TEX11: variants seen among roughly 807,000 people sequenced by gnomAD.
TEX11 encodes the protein testis expressed 11.
Under a neutral mutation model 84.4 loss-of-function variants are expected in TEX11, and 7 were observed. The observed-to-expected ratio is 0.08, with a 90% CI of 0.05 to 0.16. The LOEUF (loss-of-function observed/expected upper bound fraction) is 0.16. Among genes scored for constraint, TEX11 ranks in the 10% least tolerant of loss-of-function variants. The pLI is 1.00. For missense variants in TEX11, 551 were observed against 660.5 expected (o/e 0.83, Z 1.82); for synonymous variants, 264 against 222.8 (o/e 1.18, Z -1.64).
At chrX:70,633,318 A>G (rs1294145464) in intron 17 of TEX11, among the ~76,000 whole-genome samples, 1 of 112,001 alleles carries the variant, frequency 8.9e-6, no homozygotes, top group Non-Finnish European at 1.9e-5. Flanking sequence ...CCATTTCAAC[A>G]GATGCAGAAA....
Position 70,531,508 on chromosome X carries a change from G to C in TEX11, c.2521-1509C>G, listed in dbSNP as rs146449799. Among the ~76,000 whole-genome samples the C allele has an allele frequency of 9.8e-3, 1,036 of 105,962 alleles. 8 individuals are homozygous for C. The highest frequency in any genetic ancestry group is 0.033 in the African/African-American group (992 of 30,483). 92.0% of individuals were successfully genotyped at this position (105,962 alleles called of 115,157 possible). On this transcript the variant is annotated intron_variant, in intron 28 of 29. Coordinates refer to ENST00000374333, the MANE Select transcript of TEX11 (RefSeq NM_031276.3). Reference sequence around the variant, plus strand: ...GTGTTGTGATTTTAATGTTGTGAATGAAAAAAATGACTTAAACAAACAAAC... The same window carrying C: ...GTGTTGTGATTTTAATGTTGTGAATCAAAAAAATGACTTAAACAAACAAAC...
At chrX:70,536,171 T>G (rs771273018) in intron 28 of TEX11, among the ~76,000 whole-genome samples, 1 of 111,529 alleles carries the variant, frequency 9.0e-6, no homozygotes, top group Admixed American at 9.6e-5. Context: ...GTACTTACTA[T>G]GTGCTGCTAT....
At chrX:70,619,816 CTTT>C (rs550244042) in intron 20 of TEX11, among the ~76,000 whole-genome samples, 2 of 100,416 alleles carry the variant, frequency 2.0e-5, no homozygotes, top group Admixed American at 1.1e-4. Context: ...GTGCCAGTAT[CTTT>C]TTTTTTTTTT....
At chrX:70,711,306 T>G (rs2090430628) in intron 13 of TEX11, among the ~76,000 whole-genome samples, 1 of 111,276 alleles carries the variant, frequency 9.0e-6, no homozygotes, top group Admixed American at 9.5e-5. Context: ...ATATACCCAG[T>G]AATGGGATGG....
At chrX:70,566,836 G>A (rs1157788054) in intron 25 of TEX11, among the ~76,000 whole-genome samples, 41 of 111,946 alleles carry the variant, frequency 3.7e-4, no homozygotes, top group Non-Finnish European at 6.2e-4. Context: ...TTGCATCAAT[G>A]TTCTTCAAGG....
intron 8 of TEX11, among the ~76,000 whole-genome samples, chrX:70,818,685 G>A (rs966494910): frequency 9.1e-6 from 1 of 110,416 alleles, no homozygotes; most frequent in Admixed American, 9.7e-5. Flanking sequence ...GTGGCACCAC[G>A]CACTCCCTAG....
intron 5 of TEX11, among the ~76,000 whole-genome samples, chrX:70,858,034 A>G (rs1311178539): frequency 9.1e-6 from 1 of 110,250 alleles, no homozygotes; most frequent in Non-Finnish European, 1.9e-5. Flanking sequence ...AAATGATACA[A>G]TGGACTTTGG....
chrX:70,586,855 T>A (rs2088859273), intron 25 of TEX11, among the ~76,000 whole-genome samples: 1 of 111,535 alleles, frequency 9.0e-6, no homozygotes, highest in Non-Finnish European at 1.9e-5. Context: ...CTTTGGAGGG[T>A]TTAGAAGACA....
chrX:70,526,615 A>T (rs867290940), downstream of TEX11, among the ~76,000 whole-genome samples: 13 of 110,927 alleles, frequency 1.2e-4, no homozygotes, highest in African/African-American at 4.3e-4. Flanking sequence ...ATCAGTATGA[A>T]CTCATGATTT....
rs770614604 is a variant in TEX11, at chrX:70,623,965, G to A, written c.1736C>T (p.Pro579Leu). ...RFLLPKIAEM[P>L]ESEDKKKEMD... ...AATAACTCACTTATCTTCAGATTCC[G>A]GCATTTCAGCAATTTTTGGAAGAAG... Residue 579 changes from proline to leucine, a missense_variant, in exon 20 of 30, where the codon CCG becomes CTG. Coordinates refer to ENST00000374333, the MANE Select transcript of TEX11 (RefSeq NM_031276.3). 23 of 1,203,273 alleles carry A rather than the reference G, an allele frequency of 1.9e-5. No individual in the cohort carries two copies. Among genetic ancestry groups the A allele is most frequent in the South Asian group, 3.6e-5 (2 of 55,018 alleles).
At chrX:70,828,145 T>A (rs2091357277) in intron 8 of TEX11, among the ~76,000 whole-genome samples, 1 of 110,631 alleles carries the variant, frequency 9.0e-6, no homozygotes, top group Admixed American at 9.7e-5. Context: ...TTGAGAAGAC[T>A]ACAATAAATA....
chrX:70,890,520 C>T (rs765891763), intron 2 of TEX11, among the ~76,000 whole-genome samples: 1 of 112,680 alleles, frequency 8.9e-6, no homozygotes, highest in East Asian at 2.8e-4. Flanking sequence ...GCTTTTCCAA[C>T]GGTCTTAGCA....
chrX:70,623,786 C>T (rs2089421157), intron 20 of TEX11, among the ~76,000 whole-genome samples, 164 bp downstream of exon 20: 1 of 111,456 alleles, frequency 9.0e-6, no homozygotes, highest in Admixed American at 9.6e-5. Flanking sequence ...GAAGGTTACA[C>T]ATCTGGTAAG....
chrX:70,795,725 T>C (rs1245707935), intron 9 of TEX11, among the ~76,000 whole-genome samples: 1 of 110,961 alleles, frequency 9.0e-6, no homozygotes. Flanking sequence ...CTGGACCCCA[T>C]CCAACACCAC....
Position 70,892,456 on chromosome X carries a change from C to T in TEX11, c.38-12347G>A, listed in dbSNP as rs773581051. 7.1e-5 allele frequency among the ~76,000 whole-genome samples: 8 copies of T among 111,982 alleles called. No individual in the cohort carries two copies. In the South Asian group the frequency reaches 3.0e-3, roughly 42 times the overall value. Reference sequence around the variant, plus strand: ...CCCCAATTAAAAGACACAGACTAGCCAGGCGCAGTGGCTCACGCCTGTAAT... The same window carrying T: ...CCCCAATTAAAAGACACAGACTAGCTAGGCGCAGTGGCTCACGCCTGTAAT... On this transcript the variant is annotated intron_variant, in intron 2 of 29. Transcript: ENST00000374333.
At chrX:70,768,334 A>T (rs1282571759) in intron 9 of TEX11, among the ~76,000 whole-genome samples, 1 of 111,375 alleles carries the variant, frequency 9.0e-6, no homozygotes, top group African/African-American at 3.3e-5. Flanking sequence ...TAGATGGAAC[A>T]ACTAGACAGA....
At chrX:70,603,528 C>T (rs1003079928) in intron 24 of TEX11, among the ~76,000 whole-genome samples, 3 of 107,014 alleles carry the variant, frequency 2.8e-5, no homozygotes, top group African/African-American at 1.0e-4. Context: ...GGATCCCTTC[C>T]TTACACCTTA....
In TEX11 at chrX:70,605,793, T is replaced by C. The variant is rs191134076; in HGVS notation, c.1951-276A>G. ...TGACAAGTAGTATCATTCGCCCTTG[T>C]ATTTCTATCTAGTGATTTACTTCTT... On this transcript the variant is annotated intron_variant, in intron 23 of 29. Coordinates refer to ENST00000374333, the MANE Select transcript of TEX11 (RefSeq NM_031276.3). Among the ~76,000 whole-genome samples, 3 of 112,317 alleles carry C rather than the reference T, an allele frequency of 2.7e-5. No individual in the cohort carries two copies. In the East Asian group the frequency reaches 8.3e-4, roughly 31 times the overall value.
chrX:70,648,727 T>A (rs2089776774), intron 17 of TEX11, among the ~76,000 whole-genome samples: 1 of 111,608 alleles, frequency 9.0e-6, no homozygotes. Flanking sequence ...GTTTTAACTT[T>A]AAGTTCTAGG....
Sources: gnomAD v4.1 joint callset for allele counts (sites outside exome capture counted in the v4.1 genomes callset) on GRCh38, gnomAD v4.1.1 for gene constraint, MANE v1.5 for transcripts, NCBI Gene and HGNC (gene_info 2026-07-23, HGNC 2026-07-21) for gene names.